The following PLPP1 variants were observed in gnomAD, a reference collection of about 807,000 sequenced individuals.
PLPP1 encodes the protein phospholipid phosphatase 1, also known as lipid phosphate phosphohydrolase 1a.
A neutral mutation model predicts 31.2 loss-of-function variants in PLPP1; 24 were observed. The ratio of observed to expected loss-of-function variants is 0.77; its 90% CI spans 0.56 to 1.08. The LOEUF is 1.08. PLPP1 is among the 50% of genes least tolerant of loss of function. The pLI is 0.00. For synonymous variants in PLPP1, 146 were observed against 126.3 expected (o/e 1.16, Z -1.05); for missense variants, 319 against 342.7 (o/e 0.93, Z 0.55).
chr5:55,493,326 A>G (rs545190119), intron 1 of PLPP1, among the ~76,000 whole-genome samples: 49 of 152,080 alleles, frequency 3.2e-4, no homozygotes, highest in African/African-American at 5.1e-4. Flanking sequence ...AAAAAAAAAA[A>G]AAGAAGAAGA....
intron 1 of PLPP1, among the ~76,000 whole-genome samples, chr5:55,483,335 G>A (rs967683293): frequency 2.0e-5 from 3 of 152,018 alleles, no homozygotes; most frequent in African/African-American, 7.3e-5. Context: ...TTTTCATTAT[G>A]CTAACACACA....
At chr5:55,427,755 A>G (rs558126877) in intron 4 of PLPP1, among the ~76,000 whole-genome samples, 10 of 136,862 alleles carry the variant, frequency 7.3e-5, no homozygotes, top group Admixed American at 4.5e-4. Flanking sequence ...TCAATAATCA[A>G]CTAAGCTCCA....
intron 3 of PLPP1, among the ~76,000 whole-genome samples, chr5:55,448,338 A>G (rs1454737959): frequency 6.6e-6 from 1 of 152,168 alleles, no homozygotes; most frequent in Non-Finnish European, 1.5e-5. Flanking sequence ...AACATAGGAA[A>G]AATGTATTAT....
chr5:55,511,571 G>A (rs1251729831), intron 1 of PLPP1, among the ~76,000 whole-genome samples: 1 of 150,794 alleles, frequency 6.6e-6, no homozygotes, highest in Non-Finnish European at 1.5e-5. Flanking sequence ...GTAATCTTTG[G>A]ATGATGGTGA....
At chr5:55,501,699 T>C (rs1753149522) in intron 1 of PLPP1, among the ~76,000 whole-genome samples, 1 of 152,236 alleles carries the variant, frequency 6.6e-6, no homozygotes, top group Admixed American at 6.5e-5. Context: ...AGACAGAGTT[T>C]CTCCATGTTG....
chr5:55,512,572 GA>G lies in PLPP1; in HGVS notation c.58+21999del, dbSNP rs1753457252. On this transcript the variant is annotated intron_variant, in intron 1 of 5. Transcript: ENST00000307259. The stretch of plus-strand genomic sequence containing the variant: ...AGAAAGAAAGAAAGAAAGAAAGAAA[GA>G]AAGGTAACATAAAACTTACTAATGA... Among the ~76,000 whole-genome samples the G allele has an allele frequency of 4.1e-5, 6 of 146,552 alleles. 1 individual carries two copies. Among genetic ancestry groups the G allele is most frequent in the African/African-American group, 1.5e-4 (6 of 39,220 alleles).
At chr5:55,497,677 T>C (rs528223256) in intron 1 of PLPP1, among the ~76,000 whole-genome samples, 68 of 152,196 alleles carry the variant, frequency 4.5e-4, no homozygotes, top group African/African-American at 1.2e-3. Flanking sequence ...AGGAAACAGA[T>C]AGCACCCCCA....
At chr5:55,433,011 G>A (rs185549907) in intron 4 of PLPP1, among the ~76,000 whole-genome samples, 109 of 151,990 alleles carry the variant, frequency 7.2e-4, no homozygotes, top group Non-Finnish European at 1.3e-3. Context: ...AATGAGGCAA[G>A]AGAAAGAAAT....
chr5:55,425,486 A>AT (rs918835527), intron 5 of PLPP1, 152 bp from the exon 6 acceptor site: 6 of 679,662 alleles, frequency 8.8e-6, no homozygotes, highest in African/African-American at 3.8e-5. Context: ...ACTAACTGGG[A>AT]TTTTTTAAAG....
Position 55,534,633 on chromosome 5 carries a change from C to G in PLPP1, c.-4G>C, listed in dbSNP as rs531251825. The G allele has an allele frequency of 1.5e-5, 24 of 1,551,876 alleles. No homozygotes were observed. Among genetic ancestry groups the G allele is most frequent in the Admixed American group, 1.1e-4 (6 of 52,484 alleles). ...GCAGCCGCGTCTTGTCAAACATGGT[C>G]TCTGCCCGGGCTGCCCGGCAAGGGC... On this transcript the variant is annotated 5_prime_UTR_variant, in exon 1 of 6. Coordinates refer to ENST00000307259, the MANE Select transcript of PLPP1 (RefSeq NM_003711.4).
intron 3 of PLPP1, among the ~76,000 whole-genome samples, chr5:55,452,734 A>G (rs190248966): frequency 4.6e-5 from 7 of 152,314 alleles, no homozygotes; most frequent in East Asian, 1.9e-4. Context: ...CTCAATTAAC[A>G]TATCAATCAT....
At chr5:55,476,427 C>G (rs1475677983) in intron 1 of PLPP1, among the ~76,000 whole-genome samples, 1 of 152,120 alleles carries the variant, frequency 6.6e-6, no homozygotes, top group Non-Finnish European at 1.5e-5. Flanking sequence ...GTCTTATACT[C>G]ACCTCCTAAA....
intron 1 of PLPP1, among the ~76,000 whole-genome samples, chr5:55,526,827 G>C (rs943831947): frequency 1.3e-5 from 2 of 150,842 alleles, no homozygotes; most frequent in South Asian, 4.2e-4. Context: ...AGCTACTTGG[G>C]AGGCTGAGGC....
At chr5:55,485,359 AC>A (rs1386074307) in intron 1 of PLPP1, among the ~76,000 whole-genome samples, 1 of 137,256 alleles carries the variant, frequency 7.3e-6, no homozygotes, top group Admixed American at 7.2e-5. Flanking sequence ...ACTCAGGTTA[AC>A]GGACAACCAA....
chr5:55,500,561 T>C (rs1213920483), intron 1 of PLPP1, among the ~76,000 whole-genome samples: 1 of 152,202 alleles, frequency 6.6e-6, no homozygotes. Flanking sequence ...TATTTTCTAC[T>C]GTATATACTT....
At chr5:55,516,965 A>G (rs1753567449) in intron 1 of PLPP1, among the ~76,000 whole-genome samples, 1 of 152,202 alleles carries the variant, frequency 6.6e-6, no homozygotes, top group African/African-American at 2.4e-5. Flanking sequence ...TTATTGCAGA[A>G]AGTATTAATA....
chr5:55,481,607 A>C (rs1439677345), intron 1 of PLPP1, among the ~76,000 whole-genome samples: 1 of 152,198 alleles, frequency 6.6e-6, no homozygotes, highest in Non-Finnish European at 1.5e-5. Context: ...AAAAGACCCC[A>C]TAGGCAGACC....
chr5:55,508,186 A>G (rs1753325693), intron 1 of PLPP1, among the ~76,000 whole-genome samples: 1 of 152,178 alleles, frequency 6.6e-6, no homozygotes, highest in African/African-American at 2.4e-5. Context: ...GGCCATGCCC[A>G]GTTCGCATGA....
At chr5:55,525,365 C>A (rs1203898825) in intron 1 of PLPP1, among the ~76,000 whole-genome samples, 1 of 152,172 alleles carries the variant, frequency 6.6e-6, no homozygotes, top group Non-Finnish European at 1.5e-5. Context: ...TTCCCAAGGT[C>A]ACAGAGTTCA....
Sources: allele counts gnomAD v4.1 joint callset (sites outside exome capture counted in the v4.1 genomes callset), GRCh38; gene constraint gnomAD v4.1.1; transcripts MANE v1.5; gene names NCBI Gene and HGNC (gene_info 2026-07-23, HGNC 2026-07-21).